Variants in GCN1 observed in about 807,000 individuals in gnomAD.
The protein encoded by GCN1 is stalled ribosome sensor GCN1.
GCN1 carries 90 observed loss-of-function variants against 288.4 expected under a neutral mutation model. The observed-to-expected ratio is 0.31, with a 90% CI of 0.26 to 0.37. The LOEUF is 0.37. Ranked by LOEUF, GCN1 falls within the 10% of genes least tolerant of loss-of-function variation. GCN1 has a pLI of 1.00. For missense variants in GCN1, 2,586 were observed against 3,419.9 expected, an observed-to-expected ratio of 0.76 and a Z score of 6.08; for synonymous variants, 1,386 against 1,420.2, an observed-to-expected ratio of 0.98 and a Z score of 0.54.
At position 120,156,373 on chromosome 12, in the gene GCN1, G is replaced by A; in HGVS notation, c.3312+88C>T. ...GCCTCTAGGCCTCCCACCAGAGTGA[G>A]GGACATTCTCTCAAATGCCCATCAT... On this transcript the variant is annotated intron_variant, in intron 28 of 57. Coordinates refer to ENST00000300648, the MANE Select transcript of GCN1 (RefSeq NM_006836.2). The surrounding 1 kb of genome is among the most constrained non-coding windows in gnomAD (Gnocchi z 5.8). The A allele has an allele frequency of 7.6e-7, 1 of 1,320,146 alleles. No individual in the cohort carries two copies. The highest frequency in any genetic ancestry group is 1.1e-6 in the Non-Finnish European group (1 of 934,384). 81.8% of individuals were successfully genotyped at this position (1,320,146 alleles called of 1,614,324 possible).
In GCN1 at chr12:120,160,621, C is replaced by T. The variant is rs749977081; in HGVS notation, c.2437-366G>A. Among the ~76,000 whole-genome samples, 246 of 152,212 alleles carry T rather than the reference C, an allele frequency of 1.6e-3. 7 individuals are homozygous for T. The highest frequency in any genetic ancestry group is 5.6e-4 in the Non-Finnish European group (38 of 68,026). On this transcript the variant is annotated intron_variant, in intron 22 of 57. Transcript: ENST00000300648. The stretch of plus-strand genomic sequence containing the variant: ...CCTCTCCAACCCCTTCCTACATAAG[C>T]TCTCCCACAGGATAAGCTGAAGCTT...
At chr12:120,154,740 A>G (rs1052736389) in intron 31 of GCN1, among the ~76,000 whole-genome samples, 1 of 152,236 alleles carries the variant, frequency 6.6e-6, no homozygotes, top group African/African-American at 2.4e-5. Context: ...CATCTTGGAC[A>G]GTACAGCCTA....
rs763342323 is a variant in GCN1 at position 120,156,936 on chromosome 12, G to T, written c.3144C>A (p.Ile1048=). 8 of 1,612,312 alleles carry T rather than the reference G, an allele frequency of 5.0e-6. No homozygotes were observed. Among genetic ancestry groups the T allele is most frequent in the South Asian group, 1.1e-5 (1 of 91,038 alleles). ...CCTGTAAGCGAGGCGAGCCCGTCCC[G>T]ATCACCCAAGTCAGAAGACGCAGCA... The part of the protein sequence containing the change: ...VAMLRLLTWV[I]GTGSPRLQVL... Residue 1048 remains isoleucine, a synonymous_variant, in exon 27 of 58, where the codon ATC becomes ATA. Transcript: ENST00000300648. The surrounding 1 kb of genome is among the most constrained non-coding windows in gnomAD (Gnocchi z 5.8).
intron 9 of GCN1, 38 bp from the exon 10 acceptor site, chr12:120,176,255 G>C: frequency 7.4e-7 from 1 of 1,346,978 alleles, no homozygotes; most frequent in Non-Finnish European, 1.1e-6. Context: ...GTCAGTCTAA[G>C]CAATAAATTC....
chr12:120,171,362 G>A (rs943986697), intron 14 of GCN1, among the ~76,000 whole-genome samples: 1 of 151,888 alleles, frequency 6.6e-6, no homozygotes, highest in African/African-American at 2.4e-5. Flanking sequence ...AGCTACTCAG[G>A]AGGCTGAGGT....
In GCN1 at chr12:120,146,956, A is replaced by G. The variant is rs146117918; in HGVS notation, c.4947+96T>C. The stretch of plus-strand genomic sequence containing the variant: ...TAAAAATAATTAGGGACTAACGTCC[A>G]TAACTTTCCATGTCTAATGTGGGGA... On this transcript the variant is annotated intron_variant, in intron 38 of 57. Transcript: ENST00000300648. 300 of 669,178 alleles carry G rather than the reference A, an allele frequency of 4.5e-4. 2 individuals are homozygous for G. The African/African-American group carries it at 4.9e-3, about 11-fold the overall frequency. The allele number at this position is 669,178 out of a possible 1,614,324, so 41.5% of individuals were successfully genotyped here.
rs1441392266 is a variant in GCN1 at position 120,133,597 on chromosome 12, A to G, written c.7317+694T>C. On this transcript the variant is annotated intron_variant, in intron 53 of 57. Coordinates refer to ENST00000300648, the MANE Select transcript of GCN1 (RefSeq NM_006836.2). Reference sequence around the variant, plus strand: ...CTTGAGGTCTGTGACCACGAGGTCTATGCACCTCTGGGATAGGCCCTTTAG... The same window carrying G: ...CTTGAGGTCTGTGACCACGAGGTCTGTGCACCTCTGGGATAGGCCCTTTAG... Among the ~76,000 whole-genome samples, 4 of 152,194 alleles carry G rather than the reference A, an allele frequency of 2.6e-5. No homozygotes were observed. In the South Asian group the frequency reaches 6.2e-4, roughly 24 times the overall value.
intron 26 of GCN1, 194 bp from the exon 27 acceptor site, chr12:120,157,186 A>G: frequency 4.0e-6 from 2 of 506,076 alleles, no homozygotes; most frequent in Non-Finnish European, 7.0e-6. Context: ...CTCAGGAACT[A>G]AAAACTAAAT....
Position 120,155,213 on chromosome 12 carries a change from C to A in GCN1, c.3630+28G>T. 1.9e-6 allele frequency: 3 copies of A among 1,607,090 alleles called. No individual in the cohort carries two copies. The highest frequency in any genetic ancestry group is 2.6e-6 in the Non-Finnish European group (3 of 1,173,652). On this transcript the variant is annotated intron_variant, in intron 30 of 57. Transcript: ENST00000300648. The surrounding 1 kb of genome is among the most constrained non-coding windows in gnomAD (Gnocchi z 4.9). ...ACCCACCCAACCGCACACACCCAGA[C>A]TGCATCAGGGCTGCACAGGTCACTC...
chr12:120,166,630 G>C (rs571245668), intron 16 of GCN1, among the ~76,000 whole-genome samples: 1 of 151,354 alleles, frequency 6.6e-6, no homozygotes, highest in African/African-American at 2.4e-5. Flanking sequence ...CGTGAACCCG[G>C]GAGGCGGAGC....
chr12:120,166,695 C>A (rs1300998602), intron 16 of GCN1, among the ~76,000 whole-genome samples: 2 of 142,398 alleles, frequency 1.4e-5, no homozygotes, highest in Non-Finnish European at 3.0e-5. Context: ...CAGAGCGAGA[C>A]TCTGTCTCAA....
At chr12:120,146,790 AGC>A (rs1410063004) in intron 38 of GCN1, among the ~76,000 whole-genome samples, 8 of 152,234 alleles carry the variant, frequency 5.3e-5, no homozygotes, top group African/African-American at 1.9e-4. Context: ...CAAAGTGGCA[AGC>A]ACTTCAACAC....
At chr12:120,181,615 G>A (rs931781204) in intron 5 of GCN1, among the ~76,000 whole-genome samples, 3 of 151,556 alleles carry the variant, frequency 2.0e-5, no homozygotes, top group African/African-American at 4.9e-5. Context: ...CGAGGCGGGC[G>A]GATCACCTGA....
At chr12:120,128,311 G>A (rs945666532) in intron 57 of GCN1, among the ~76,000 whole-genome samples, 7 of 151,634 alleles carry the variant, frequency 4.6e-5, no homozygotes, top group East Asian at 1.9e-4. Flanking sequence ...TTCATGAGAC[G>A]AGGCAGTGGG....
chr12:120,149,832 G>T, intron 35 of GCN1, 90 bp downstream of exon 35: 1 of 1,554,716 alleles, frequency 6.4e-7, no homozygotes, highest in South Asian at 1.1e-5. Context: ...GTTCTATTAT[G>T]TCAGACCCTG....
At chr12:120,192,020 A>G (rs1046687468) in intron 1 of GCN1, among the ~76,000 whole-genome samples, 10 of 152,326 alleles carry the variant, frequency 6.6e-5, no homozygotes, top group South Asian at 2.1e-4. Flanking sequence ...CAGTGATTAC[A>G]TTATATGTAA....
rs559934077 is a variant in GCN1 at position 120,155,032 on chromosome 12, G to C, written c.3639C>G (p.Pro1213=). The stretch of plus-strand genomic sequence containing the variant: ...CTCGTCCCAAAGCATCCAGCACTGG[G>C]GGCGGCCGCTGCAACAGACAAGTTG... ...EIYQEKLYRP[P]PVLDALGRVI... The change falls in exon 31 of 58, where the codon CCC becomes CCG. Residue 1213 remains proline, a synonymous_variant. Coordinates refer to ENST00000300648, the MANE Select transcript of GCN1 (RefSeq NM_006836.2). The surrounding 1 kb of genome is among the most constrained non-coding windows in gnomAD (Gnocchi z 4.9). 7 of 1,613,686 alleles carry C rather than the reference G, an allele frequency of 4.3e-6. No homozygotes were observed. The highest frequency in any genetic ancestry group is 1.1e-5 in the South Asian group (1 of 91,080).
rs370910278 is a variant in GCN1, at chr12:120,134,307, A to G, written c.7301T>C (p.Met2434Thr). 67 of 1,613,138 alleles carry G rather than the reference A, an allele frequency of 4.2e-5. No individual in the cohort carries two copies. The highest frequency in any genetic ancestry group is 5.5e-5 in the Non-Finnish European group (65 of 1,179,284). The change falls in exon 53 of 58, where the codon ATG becomes ACG. Residue 2434 changes from methionine (M) to threonine (T), a missense_variant. Around this residue, in one of 8 missense-constraint regions of GCN1, gnomAD observed 355 missense variants for 431.1 expected, o/e 0.82. Transcript: ENST00000300648. The surrounding 1 kb of genome is among the most constrained non-coding windows in gnomAD (Gnocchi z 5.0). ...RKNIVSLLLS[M>T]LGHDEDNTRI... ...CAGCCGTACCTCATCGTGTCCCAGC[A>G]TGCTCAGCAGGAGTGAGACGATGTT...
intron 1 of GCN1, among the ~76,000 whole-genome samples, chr12:120,194,318 A>G (rs1307654217): frequency 1.3e-5 from 2 of 152,260 alleles, no homozygotes; most frequent in African/African-American, 4.8e-5. Context: ...TGCTGAATAC[A>G]AAGTTTAAGG....
Sources: gnomAD v4.1 joint callset for allele counts (sites outside exome capture counted in the v4.1 genomes callset) on GRCh38, gnomAD v4.1.1 for gene constraint, gnomAD v4.1.1 regional missense constraint, Gnocchi (gnomAD v3.1) non-coding constraint, MANE v1.5 for transcripts, NCBI Gene and HGNC (gene_info 2026-07-23, HGNC 2026-07-21) for gene names.